The following WARS2 variants were observed in gnomAD, a reference collection of about 807,000 sequenced individuals.
The protein encoded by WARS2 is tryptophan--tRNA ligase, mitochondrial.
In WARS2, 28 loss-of-function variants were observed where a neutral mutation model predicts 36.5. That is an observed-to-expected ratio of 0.77 (90% confidence interval 0.57 to 1.05). The LOEUF (loss-of-function observed/expected upper bound fraction) is 1.05. Among genes scored for constraint, WARS2 ranks in the 50% least tolerant of loss-of-function variants. The probability of loss-of-function intolerance (pLI) is 0.00; values close to 1 mark genes in which losing one functional copy is unlikely to be tolerated. For missense variants in WARS2, 435 were observed against 456.8 expected, an observed-to-expected ratio of 0.95 and a Z score of 0.44; for synonymous variants, 174 against 178.4, an observed-to-expected ratio of 0.98 and a Z score of 0.20.
At chr1:119,072,991 C>CAA (rs35023397) in intron 2 of WARS2, among the ~76,000 whole-genome samples, 17 of 148,740 alleles carry the variant, frequency 1.1e-4, no homozygotes, top group African/African-American at 4.0e-4. Flanking sequence ...CCCATCTCTC[C>CAA]AAAAAAAAAG....
At chr1:119,066,342 G>A (rs1223053047) in intron 2 of WARS2, among the ~76,000 whole-genome samples, 2 of 151,916 alleles carry the variant, frequency 1.3e-5, no homozygotes, top group Non-Finnish European at 2.9e-5. Flanking sequence ...GCCGGGTGTG[G>A]TGGTGGGCGC....
chr1:119,075,587 GTTAACATGTACC>G (rs1651667218), intron 2 of WARS2, among the ~76,000 whole-genome samples: 1 of 152,170 alleles, frequency 6.6e-6, no homozygotes, highest in Admixed American at 6.5e-5. Flanking sequence ...ATACATGCAT[GTTAACATGTACC>G]ATAGCATGTA....
chr1:119,103,326 A>AG (rs1341928949), intron 1 of WARS2, among the ~76,000 whole-genome samples: 1 of 152,184 alleles, frequency 6.6e-6, no homozygotes, highest in Non-Finnish European at 1.5e-5. Flanking sequence ...CTCATGCAGT[A>AG]GCTCAAGTTG....
At chr1:119,094,981 T>C (rs1421127787) in intron 1 of WARS2, among the ~76,000 whole-genome samples, 1 of 152,216 alleles carries the variant, frequency 6.6e-6, no homozygotes, top group Non-Finnish European at 1.5e-5. Flanking sequence ...CTCAATAATC[T>C]CTGGAAGCTC....
chr1:119,133,771 T>A (rs954011600), intron 1 of WARS2, among the ~76,000 whole-genome samples: 3 of 152,164 alleles, frequency 2.0e-5, no homozygotes, highest in African/African-American at 4.8e-5. Context: ...ACAAATAGGA[T>A]AACAGTCACT....
intron 3 of WARS2, among the ~76,000 whole-genome samples, chr1:119,043,052 TG>T (rs200205671): frequency 6.6e-6 from 1 of 151,622 alleles, no homozygotes; most frequent in Non-Finnish European, 1.5e-5. Context: ...ATTTAATAAC[TG>T]GGGGGGGCAA....
rs748043778 is a variant in WARS2, at chr1:119,034,223, AAGAC to A, written c.516-14_516-11del. On this transcript the variant is annotated splice_polypyrimidine_tract_variant and intron_variant, in intron 4 of 5. Coordinates refer to ENST00000235521, the MANE Select transcript of WARS2 (RefSeq NM_015836.4). ...AGGAACGTGTGTGGACCTTTAATAA[AAGAC>A]AGACAGAAAAACAACAGCAAGGCTC... 4.6e-5 allele frequency: 74 copies of A among 1,609,138 alleles called. No homozygotes were observed. The highest frequency in any genetic ancestry group is 2.0e-4 in the Admixed American group (12 of 59,816).
chr1:119,122,688 C>T (rs2101541346), intron 1 of WARS2, among the ~76,000 whole-genome samples: 1 of 152,132 alleles, frequency 6.6e-6, no homozygotes, highest in East Asian at 1.9e-4. Flanking sequence ...GCATATATAC[C>T]ATGGAATACT....
intron 1 of WARS2, among the ~76,000 whole-genome samples, chr1:119,099,206 C>T (rs1321402341): frequency 6.6e-6 from 1 of 151,980 alleles, no homozygotes; most frequent in African/African-American, 2.4e-5. Context: ...CTGCACATAC[C>T]CCACGAGACA....
In WARS2 at chr1:119,100,765, A is replaced by AT. The variant is rs1281872549; in HGVS notation, c.91-24159dup. ...AGCTTCGACCTCCCAAGCTCAAGTG[A>AT]TTCACCCACCTCAGCCTCCTGAATA... On this transcript the variant is annotated intron_variant, in intron 1 of 5. Coordinates refer to ENST00000235521, the MANE Select transcript of WARS2 (RefSeq NM_015836.4). 6.6e-5 allele frequency among the ~76,000 whole-genome samples: 10 copies of AT among 152,202 alleles called. No homozygotes were observed. The East Asian group carries it at 1.9e-3, about 30-fold the overall frequency.
rs1014273309 is a variant in WARS2, at chr1:119,037,533, T to G, written c.516-3320A>C. On this transcript the variant is annotated intron_variant, in intron 4 of 5. Coordinates refer to ENST00000235521, the MANE Select transcript of WARS2 (RefSeq NM_015836.4). ...GGATTAATTCCTCATGACTAGTTGCTTGTAGGATATGCAATAATGACTCTC... is the reference window on the plus strand; with the variant it reads ...GGATTAATTCCTCATGACTAGTTGCGTGTAGGATATGCAATAATGACTCTC... Among the ~76,000 whole-genome samples the G allele has an allele frequency of 3.9e-5, 6 of 152,362 alleles. No homozygotes were observed. The East Asian group carries it at 1.2e-3, about 29-fold the overall frequency.
chr1:119,106,436 C>G (rs1483661758), intron 1 of WARS2, among the ~76,000 whole-genome samples: 1 of 152,184 alleles, frequency 6.6e-6, no homozygotes, highest in Non-Finnish European at 1.5e-5. Context: ...GAGAGTTTCA[C>G]TGCCCTAAGA....
At chr1:119,091,162 T>G (rs1343567764) in intron 1 of WARS2, among the ~76,000 whole-genome samples, 1 of 152,244 alleles carries the variant, frequency 6.6e-6, no homozygotes, top group Non-Finnish European at 1.5e-5. Flanking sequence ...AATCCTTCTA[T>G]GCCTCCTAGC....
chr1:119,073,962 C>A (rs1011861602), intron 2 of WARS2, among the ~76,000 whole-genome samples: 9 of 152,138 alleles, frequency 5.9e-5, no homozygotes, highest in Non-Finnish European at 1.0e-4. Context: ...CTTTAAAAAG[C>A]AATCTGGCAA....
At chr1:119,102,449 AC>A (rs1653943603) in intron 1 of WARS2, among the ~76,000 whole-genome samples, 1 of 152,190 alleles carries the variant, frequency 6.6e-6, no homozygotes, top group Non-Finnish European at 1.5e-5. Context: ...CTTTGACTTC[AC>A]AGAAAGGGGT....
intron 1 of WARS2, among the ~76,000 whole-genome samples, chr1:119,132,621 G>A (rs1425654149): frequency 6.6e-6 from 1 of 152,108 alleles, no homozygotes; most frequent in Non-Finnish European, 1.5e-5. Flanking sequence ...CTTCCCAAAA[G>A]GGGTCCAAAG....
chr1:119,126,602 G>GT, intron 1 of WARS2: 1 of 666,826 alleles, frequency 1.5e-6, no homozygotes, highest in Non-Finnish European at 2.8e-6. Flanking sequence ...CACCTGTCTT[G>GT]TCCCCAGTGG....
rs587760789 is a variant in WARS2 at position 119,100,857 on chromosome 1, C to T, written c.91-24250G>A. ...TTCACCATGTTGCCCAGGTTGGTCT[C>T]GAACTCCTGGGCTCAAGTGATACTC... On this transcript the variant is annotated intron_variant, in intron 1 of 5. Transcript: ENST00000235521. 2.0e-4 allele frequency among the ~76,000 whole-genome samples: 31 copies of T among 152,220 alleles called. 1 individual carries two copies. The highest frequency in any genetic ancestry group is 6.7e-4 in the African/African-American group (28 of 41,544).
chr1:119,037,473 G>C (rs1647979310), intron 4 of WARS2, among the ~76,000 whole-genome samples: 1 of 152,160 alleles, frequency 6.6e-6, no homozygotes, highest in Non-Finnish European at 1.5e-5. Context: ...CAGCCCGGCT[G>C]GGACAGGAGT....
Sources: gnomAD v4.1 joint callset for allele counts (sites outside exome capture counted in the v4.1 genomes callset) on GRCh38, gnomAD v4.1.1 for gene constraint, MANE v1.5 for transcripts, NCBI Gene and HGNC (gene_info 2026-07-23, HGNC 2026-07-21) for gene names.